Variants in MTO1 observed in about 807,000 individuals in gnomAD.
The protein encoded by MTO1 is mitochondrial tRNA translation optimization 1.
A neutral mutation model predicts 71.6 loss-of-function variants in MTO1; 46 were observed. The ratio of observed to expected loss-of-function variants is 0.64; its 90% CI spans 0.51 to 0.82. The LOEUF is 0.82. Among genes scored for constraint, MTO1 ranks in the 40% least tolerant of loss-of-function variants. MTO1 has a pLI of 0.00. For synonymous variants in MTO1, 297 were observed against 312.1 expected (o/e 0.95, Z 0.51); for missense variants, 773 against 867.5 (o/e 0.89, Z 1.37).
rs565515282 is a variant in MTO1 at position 73,504,694 on chromosome 6, C to T, written c.*3959C>T. The T allele has an allele frequency of 1.3e-5, 2 of 152,346 alleles. No homozygotes were observed. The highest frequency in any genetic ancestry group is 3.9e-4 in the East Asian group (2 of 5,182). The allele number at this position is 152,346 out of a possible 1,614,324, so 9.4% of individuals were successfully genotyped here. On this transcript the variant is annotated 3_prime_UTR_variant, in exon 12 of 12. Coordinates refer to ENST00000498286, the MANE Select transcript of MTO1 (RefSeq NM_012123.4). ...TTGAGCTCAGCAGTTCAAGACCAGC[C>T]TGGGCAACATGGCGAAACTCCGTCT...
In MTO1 at chr6:73,500,999, A is replaced by C. The variant is rs1772145378; in HGVS notation, c.*264A>C. 3 of 258,200 alleles carry C rather than the reference A, an allele frequency of 1.2e-5. No individual in the cohort carries two copies. The highest frequency in any genetic ancestry group is 5.4e-5 in the Admixed American group (1 of 18,532). 16.0% of individuals were successfully genotyped at this position (258,200 alleles called of 1,614,324 possible). ...TGTTCATCAAAGAGAGAGACAGTGA[A>C]CCTAAAACTGAACCTGGAATAAAAC... On this transcript the variant is annotated 3_prime_UTR_variant, in exon 12 of 12. Coordinates refer to ENST00000498286, the MANE Select transcript of MTO1 (RefSeq NM_012123.4).
chr6:73,497,458 ATTCT>A (rs570524096), intron 10 of MTO1, among the ~76,000 whole-genome samples: 88 of 152,074 alleles, frequency 5.8e-4, no homozygotes, highest in African/African-American at 1.9e-3. Flanking sequence ...CTGGCCACAA[ATTCT>A]TTTTTTACTT....
chr6:73,494,685 A>T (rs2150043549), intron 10 of MTO1, among the ~76,000 whole-genome samples: 1 of 150,620 alleles, frequency 6.6e-6, no homozygotes, highest in Non-Finnish European at 1.5e-5. Context: ...CTATTTGGCC[A>T]GGCTGGTCTT....
At chr6:73,467,441 A>C (rs1338812459) in intron 3 of MTO1, among the ~76,000 whole-genome samples, 1 of 151,964 alleles carries the variant, frequency 6.6e-6, no homozygotes, top group Non-Finnish European at 1.5e-5. Context: ...ATGGAGAAAC[A>C]CATCTCTACT....
intron 6 of MTO1, 172 bp from the exon 7 acceptor site, chr6:73,480,503 C>T (rs1561945942): frequency 1.2e-5 from 9 of 729,900 alleles, no homozygotes; most frequent in Non-Finnish European, 2.0e-5. Context: ...CTCCCGACCT[C>T]AGGTGATCCA....
chr6:73,462,036 G>A lies in MTO1; in HGVS notation c.182G>A (p.Arg61Gln), dbSNP rs1330744871. ...ACCGCCGCCGCTCGGTGCGGCTCTC[G>A]GACTCTGCTCCTCACTCACCGCGTG... The part of the protein sequence containing the change: ...AATAAARCGS[R>Q]TLLLTHRVDT... Residue 61 changes from arginine to glutamine, a missense_variant, in exon 1 of 12, where the codon CGG becomes CAG. Transcript: ENST00000498286. 5.6e-6 allele frequency: 9 copies of A among 1,613,830 alleles called. 1 individual carries two copies. The highest frequency in any genetic ancestry group is 3.3e-4 in the Middle Eastern group (2 of 6,066).
intron 4 of MTO1, among the ~76,000 whole-genome samples, chr6:73,479,284 C>G (rs1582683873): frequency 6.6e-6 from 1 of 151,686 alleles, no homozygotes; most frequent in Non-Finnish European, 1.5e-5. Flanking sequence ...CGCCTGAGGT[C>G]AAGAGTTCGA....
In MTO1 at chr6:73,491,020, A is replaced by G. The variant is rs544859435; in HGVS notation, c.1638-1214A>G. On this transcript the variant is annotated intron_variant, in intron 9 of 11. Coordinates refer to ENST00000498286, the MANE Select transcript of MTO1 (RefSeq NM_012123.4). ...AAGTGCCAATGAATTAAGTTATTGG[A>G]AATCTCACTGGATCTATGTGCATTA... 2.6e-5 allele frequency among the ~76,000 whole-genome samples: 4 copies of G among 152,288 alleles called. No individual in the cohort carries two copies. In the East Asian group the frequency reaches 7.7e-4, roughly 29 times the overall value.
chr6:73,486,733 C>G, intron 9 of MTO1: 1 of 254,574 alleles, frequency 3.9e-6, no homozygotes, highest in Non-Finnish European at 8.1e-6. Context: ...AGTGAGACTT[C>G]TCTCAAAAAA....
At chr6:73,492,411 A>G in intron 10 of MTO1, 59 bp downstream of exon 10, 3 of 1,145,118 alleles carry the variant, frequency 2.6e-6, no homozygotes, top group Non-Finnish European at 4.0e-6. Flanking sequence ...ATGAATAGAC[A>G]ACAGATCCAT....
At chr6:73,472,075 T>C (rs1375098638) in intron 3 of MTO1, among the ~76,000 whole-genome samples, 1 of 152,208 alleles carries the variant, frequency 6.6e-6, no homozygotes, top group Non-Finnish European at 1.5e-5. Context: ...GTTTCATTTC[T>C]ACATTCCTCC....
At chr6:73,470,587 AATAC>A (rs1453130885) in intron 3 of MTO1, among the ~76,000 whole-genome samples, 1 of 152,160 alleles carries the variant, frequency 6.6e-6, no homozygotes, top group Non-Finnish European at 1.5e-5. Flanking sequence ...TTGATTGGGA[AATAC>A]ATACTTAGGG....
chr6:73,495,881 T>G (rs1771964822), intron 10 of MTO1, among the ~76,000 whole-genome samples: 1 of 152,240 alleles, frequency 6.6e-6, no homozygotes, highest in Admixed American at 6.5e-5. Context: ...ATTATTTCAT[T>G]TGATACTTAG....
intron 10 of MTO1, among the ~76,000 whole-genome samples, chr6:73,497,310 G>A (rs942493491): frequency 1.3e-4 from 20 of 151,250 alleles, no homozygotes; most frequent in East Asian, 4.0e-4. Flanking sequence ...ATGCCACCAC[G>A]CCTGGCTAAT....
chr6:73,498,394 T>C (rs1361880796), intron 11 of MTO1, among the ~76,000 whole-genome samples: 1 of 150,898 alleles, frequency 6.6e-6, no homozygotes, highest in Non-Finnish European at 1.5e-5. Context: ...CTATGCAAGA[T>C]AGTACACGTG....
chr6:73,492,234 A>C lies in MTO1; in HGVS notation c.1638A>C (p.Arg546Ser). 6.3e-7 allele frequency: 1 copy of C among 1,599,174 alleles called. No individual in the cohort carries two copies. Among genetic ancestry groups the C allele is most frequent in the Non-Finnish European group, 8.6e-7 (1 of 1,166,628 alleles). Residue 546 changes from arginine to serine, a missense_variant and splice_region_variant, in exon 10 of 12, where the codon AGA (arginine) becomes AGC (serine). By Grantham distance (110) the Arg-to-Ser change is moderately radical. Coordinates refer to ENST00000498286, the MANE Select transcript of MTO1 (RefSeq NM_012123.4). ...SISTSRSLPV[R>S]ALDVLKYEEV... is the part of the protein sequence containing the mutation. ...TAATGAAACTTTCATATATTTGCAG[A>C]GCTCTCGATGTTCTGAAGTATGAGG... is the stretch of plus-strand genomic sequence containing the variant.
At chr6:73,480,285 G>T in intron 6 of MTO1, 159 bp downstream of exon 6, 1 of 851,706 alleles carries the variant, frequency 1.2e-6, no homozygotes, top group East Asian at 2.7e-5. Context: ...TTGTTTGTTT[G>T]TTTTGAGACG....
intron 3 of MTO1, among the ~76,000 whole-genome samples, chr6:73,467,131 T>C (rs1285647657): frequency 6.6e-6 from 1 of 151,892 alleles, no homozygotes; most frequent in Non-Finnish European, 1.5e-5. Flanking sequence ...CTCGGCAAGA[T>C]GGCAAAACCT....
In MTO1 at chr6:73,466,573, A is replaced by T. The variant is rs775571593; in HGVS notation, c.502A>T (p.Thr168Ser). ...LILTEPEPEH[T>S]GKCRVSGVVL... The stretch of plus-strand genomic sequence containing the variant: ...TCTTACAGAACCAGAGCCTGAACAC[A>T]CTGGGAAATGCCGTGTCAGTGGGGT... Residue 168 changes from threonine to serine, a missense_variant, in exon 3 of 12, where the codon ACT becomes TCT. Physicochemically the swap from Thr to Ser is moderately conservative, Grantham distance 58. Transcript: ENST00000498286. The T allele has an allele frequency of 2.5e-6, 4 of 1,614,158 alleles. No homozygotes were observed. The highest frequency in any genetic ancestry group is 3.3e-5 in the Admixed American group (2 of 59,992).
Sources: gnomAD v4.1 joint callset for allele counts (sites outside exome capture counted in the v4.1 genomes callset) on GRCh38, gnomAD v4.1.1 for gene constraint, MANE v1.5 for transcripts, NCBI Gene and HGNC (gene_info 2026-07-23, HGNC 2026-07-21) for gene names.